The following APBB2 variants were observed in gnomAD, a reference collection of about 807,000 sequenced individuals.
APBB2 encodes the protein amyloid beta precursor protein binding family B member 2, also known as Fe65-like 1.
Under a neutral mutation model 82.5 loss-of-function variants are expected in APBB2, and 38 were observed. The observed-to-expected ratio is 0.46, with a 90% CI of 0.36 to 0.60. The LOEUF (loss-of-function observed/expected upper bound fraction) is 0.60, where lower values mean the gene tolerates loss of function less well. APBB2 is among the 20% of genes least tolerant of loss of function. APBB2 has a pLI of 0.00. For synonymous variants in APBB2, 341 were observed against 368.2 expected, an observed-to-expected ratio of 0.93 and a Z score of 0.85; for missense variants, 772 against 972.3, an observed-to-expected ratio of 0.79 and a Z score of 2.74.
rs1022557064 is a variant in APBB2 at position 40,865,118 on chromosome 4, A to G, written c.1529+25246T>C. Among the ~76,000 whole-genome samples the G allele has an allele frequency of 5.7e-4, 86 of 152,178 alleles. 1 individual carries two copies. The highest frequency in any genetic ancestry group is 1.1e-3 in the Non-Finnish European group (74 of 67,990). On this transcript the variant is annotated intron_variant, in intron 12 of 17. Transcript: ENST00000508593. ...AGTGATCCATCCACTTTGGTCTCCC[A>G]AAGTGCTGGAATTACAGGTGTGAGC...
intron 4 of APBB2, among the ~76,000 whole-genome samples, chr4:41,050,052 T>G (rs990543644): frequency 6.6e-6 from 1 of 151,894 alleles, no homozygotes; most frequent in African/African-American, 2.4e-5. Context: ...TGACCTTCCC[T>G]CCACTATTGT....
At chr4:41,070,348 C>A (rs1480358296) in intron 3 of APBB2, among the ~76,000 whole-genome samples, 1 of 152,026 alleles carries the variant, frequency 6.6e-6, no homozygotes, top group African/African-American at 2.4e-5. Context: ...TCACTCCTGT[C>A]GCCCAGACTG....
At chr4:41,162,499 A>C (rs1444874234) in intron 1 of APBB2, among the ~76,000 whole-genome samples, 2 of 152,116 alleles carry the variant, frequency 1.3e-5, no homozygotes, top group Non-Finnish European at 2.9e-5. Flanking sequence ...ACCCATATGC[A>C]TTCTTTCTCT....
At chr4:40,991,193 TTTTTG>T (rs1386072263) in intron 6 of APBB2, among the ~76,000 whole-genome samples, 1 of 141,958 alleles carries the variant, frequency 7.0e-6, no homozygotes, top group Non-Finnish European at 1.6e-5. Context: ...TTTTTTTTTT[TTTTTG>T]TAGAAATGAG....
intron 4 of APBB2, among the ~76,000 whole-genome samples, chr4:41,051,894 C>T (rs770864309): frequency 6.6e-6 from 1 of 152,178 alleles, no homozygotes; most frequent in African/African-American, 2.4e-5. Context: ...AGCTAACCTC[C>T]GTTTCCTCCA....
At chr4:41,160,868 A>G (rs1764965362) in intron 1 of APBB2, among the ~76,000 whole-genome samples, 1 of 152,164 alleles carries the variant, frequency 6.6e-6, no homozygotes, top group Non-Finnish European at 1.5e-5. Flanking sequence ...AACCATTACT[A>G]TGTGCCAGAC....
intron 12 of APBB2, among the ~76,000 whole-genome samples, chr4:40,837,135 C>A (rs1040756519): frequency 2.0e-5 from 3 of 152,222 alleles, no homozygotes; most frequent in Non-Finnish European, 4.4e-5. Flanking sequence ...ACAGACTGTG[C>A]AAACCTAAAC....
chr4:41,206,845 A>C (rs914564054), intron 1 of APBB2, among the ~76,000 whole-genome samples: 1 of 152,192 alleles, frequency 6.6e-6, no homozygotes, highest in African/African-American at 2.4e-5. Context: ...CCCAGGACAG[A>C]AGTCTACCTG....
intron 5 of APBB2, among the ~76,000 whole-genome samples, chr4:41,027,928 C>CATCA (rs1283841076): frequency 1.3e-5 from 2 of 152,230 alleles, no homozygotes; most frequent in Non-Finnish European, 1.5e-5. Flanking sequence ...GAAGCTCCAA[C>CATCA]ATCAATTCAA....
At chr4:41,122,772 A>G (rs565683404) in intron 2 of APBB2, among the ~76,000 whole-genome samples, 2 of 152,348 alleles carry the variant, frequency 1.3e-5, no homozygotes, top group South Asian at 4.1e-4. Flanking sequence ...TACCAGATCA[A>G]GTTAGTTCTT....
chr4:41,157,887 G>C (rs1763887964), intron 1 of APBB2, among the ~76,000 whole-genome samples: 1 of 152,134 alleles, frequency 6.6e-6, no homozygotes, highest in Non-Finnish European at 1.5e-5. Context: ...AGCTACTCAG[G>C]AGGCTAAGGC....
intron 3 of APBB2, among the ~76,000 whole-genome samples, chr4:41,091,688 G>A (rs1560728785): frequency 6.6e-6 from 1 of 152,176 alleles, no homozygotes; most frequent in East Asian, 1.9e-4. Context: ...ATGAATGAGG[G>A]GCTCATGATT....
chr4:41,003,157 T>C (rs1184434842), intron 6 of APBB2, among the ~76,000 whole-genome samples: 1 of 152,222 alleles, frequency 6.6e-6, no homozygotes, highest in East Asian at 1.9e-4. Context: ...TCCACACTTA[T>C]TCCCAATCTC....
intron 10 of APBB2, among the ~76,000 whole-genome samples, chr4:40,905,807 C>G (rs1776545247): frequency 6.6e-6 from 1 of 152,154 alleles, no homozygotes; most frequent in Admixed American, 6.6e-5. Context: ...CACGCTTATT[C>G]AGGGGAGGCC....
intron 5 of APBB2, among the ~76,000 whole-genome samples, chr4:41,025,272 A>G (rs1455428169): frequency 1.3e-5 from 2 of 152,228 alleles, no homozygotes; most frequent in Non-Finnish European, 1.5e-5. Flanking sequence ...GCCAAGAAGC[A>G]TATGAAAAAA....
At chr4:40,937,303 TA>T (rs1449536994) in intron 7 of APBB2, among the ~76,000 whole-genome samples, 1 of 152,138 alleles carries the variant, frequency 6.6e-6, no homozygotes. Flanking sequence ...CTACAGAAAG[TA>T]AAAGAAGAGT....
chr4:41,038,514 A>G (rs2154446036), intron 4 of APBB2, among the ~76,000 whole-genome samples: 1 of 152,188 alleles, frequency 6.6e-6, no homozygotes, highest in African/African-American at 2.4e-5. Flanking sequence ...TCCCGGATCT[A>G]TCGCAGATCT....
chr4:40,978,864 CA>C (rs1010365134), intron 6 of APBB2, among the ~76,000 whole-genome samples: 1 of 150,598 alleles, frequency 6.6e-6, no homozygotes, highest in Non-Finnish European at 1.5e-5. Context: ...TTACGGGAAA[CA>C]AAAAAAATTG....
intron 12 of APBB2, among the ~76,000 whole-genome samples, chr4:40,852,250 C>A (rs112832199): frequency 6.7e-6 from 1 of 150,196 alleles, no homozygotes; most frequent in Non-Finnish European, 1.5e-5. Flanking sequence ...ATTTGGGAGG[C>A]TGAGGCAGGA....
Sources: allele counts gnomAD v4.1 joint callset (sites outside exome capture counted in the v4.1 genomes callset), GRCh38; gene constraint gnomAD v4.1.1; transcripts MANE v1.5; gene names NCBI Gene and HGNC (gene_info 2026-07-23, HGNC 2026-07-21).